Variants in PKHD1 observed in about 807,000 individuals in gnomAD.
PKHD1 encodes the protein fibrocystin.
A neutral mutation model predicts 412.0 loss-of-function variants in PKHD1; 291 were observed. That is an observed-to-expected ratio of 0.71 (90% CI 0.64 to 0.78). The LOEUF (loss-of-function observed/expected upper bound fraction) is 0.78, where lower values mean the gene tolerates loss of function less well. Ranked by LOEUF, PKHD1 falls within the 30% of genes least tolerant of loss-of-function variation. The pLI is 0.00. For missense variants in PKHD1, 4,825 were observed against 4,950.7 expected, an observed-to-expected ratio of 0.97 and a Z score of 0.76; for synonymous variants, 1,777 against 1,821.5, an observed-to-expected ratio of 0.98 and a Z score of 0.62.
chr6:51,913,056 T>C (rs1307521544), intron 37 of PKHD1, among the ~76,000 whole-genome samples: 1 of 152,130 alleles, frequency 6.6e-6, no homozygotes, highest in Non-Finnish European at 1.5e-5. Context: ...CCTAAGGGTA[T>C]GTTAGTCCTT....
intron 34 of PKHD1, among the ~76,000 whole-genome samples, chr6:52,016,106 C>T (rs1395689296): frequency 1.3e-5 from 2 of 152,150 alleles, no homozygotes; most frequent in African/African-American, 2.4e-5. Context: ...TCCAGTCTCA[C>T]CTGAGTACAA....
At position 51,648,182 on chromosome 6, in the gene PKHD1, T is replaced by A; in HGVS notation, c.11311-64A>T. On this transcript the variant is annotated intron_variant, in intron 62 of 66. Coordinates refer to ENST00000371117, the MANE Select transcript of PKHD1 (RefSeq NM_138694.4). Reference sequence around the variant, plus strand: ...GGATTCAGAAGAGAATTTTGTGAAGTTAGAAAAGATGGATCAGATATTTGC... The same window carrying A: ...GGATTCAGAAGAGAATTTTGTGAAGATAGAAAAGATGGATCAGATATTTGC... 7.1e-6 allele frequency: 6 copies of A among 850,588 alleles called. No individual in the cohort carries two copies. The South Asian group carries it at 8.0e-5, about 11-fold the overall frequency. The allele number at this position is 850,588 out of a possible 1,614,324, so 52.7% of individuals were successfully genotyped here.
At chr6:51,863,079 G>T (rs943906121) in intron 48 of PKHD1, among the ~76,000 whole-genome samples, 4 of 152,072 alleles carry the variant, frequency 2.6e-5, no homozygotes, top group African/African-American at 9.7e-5. Flanking sequence ...GACCCTGAGG[G>T]ATAAATACCA....
Position 51,937,102 on chromosome 6 carries a change from C to T in PKHD1, c.5909-2780G>A, listed in dbSNP as rs143371613. On this transcript the variant is annotated intron_variant, in intron 36 of 66. Coordinates refer to ENST00000371117, the MANE Select transcript of PKHD1 (RefSeq NM_138694.4). ...TCTGCATAATAAGAACCTTGGACTC[C>T]ACAACCACTTATCTTAACCCAGACA... Among the ~76,000 whole-genome samples, 21 of 152,288 alleles carry T rather than the reference C, an allele frequency of 1.4e-4. No homozygotes were observed. In the East Asian group the frequency reaches 2.7e-3, roughly 20 times the overall value.
intron 60 of PKHD1, among the ~76,000 whole-genome samples, chr6:51,737,734 G>A (rs1236229410): frequency 2.0e-5 from 3 of 151,642 alleles, no homozygotes; most frequent in African/African-American, 7.3e-5. Flanking sequence ...GTGAGTGTGT[G>A]TGTGTGTGTG....
chr6:52,072,321 G>T lies in PKHD1; in HGVS notation c.528-132C>A, dbSNP rs12208230. The T allele has an allele frequency of 0.037, 26,146 of 705,982 alleles. 713 individuals carry two copies. The highest frequency in any genetic ancestry group is 0.084 in the South Asian group (5,577 of 66,128). 43.7% of individuals were successfully genotyped at this position (705,982 alleles called of 1,614,324 possible). On this transcript the variant is annotated intron_variant, in intron 7 of 66. Coordinates refer to ENST00000371117, the MANE Select transcript of PKHD1 (RefSeq NM_138694.4). ...TCTGGATTTTTCTGCACTATTGCAG[G>T]TGGCTGAAGGCGGATGTCAAGTCAA...
intron 29 of PKHD1, 132 bp from the exon 30 acceptor site, chr6:52,028,483 T>A (rs2128153680): frequency 1.2e-6 from 1 of 819,808 alleles, no homozygotes. Flanking sequence ...AGAGTTACGA[T>A]ACCAACCTAA....
At chr6:51,742,572 G>A (rs982777279) in intron 60 of PKHD1, among the ~76,000 whole-genome samples, 1 of 152,110 alleles carries the variant, frequency 6.6e-6, no homozygotes, top group African/African-American at 2.4e-5. Flanking sequence ...GAAGGCCTCA[G>A]TTCATTCTGC....
In PKHD1 at chr6:51,786,128, C is replaced by A. The variant is rs147536547; in HGVS notation, c.8440+5108G>T. ...AGACACAGCTAGTTCATATAACTTG[C>A]CGAGGGCCATTCAACTAATGAGGGA... is the stretch of plus-strand genomic sequence containing the variant. On this transcript the variant is annotated intron_variant, in intron 53 of 66. Transcript: ENST00000371117. Among the ~76,000 whole-genome samples, 299 of 152,152 alleles carry A rather than the reference C, an allele frequency of 2.0e-3. 2 individuals are homozygous for A. The highest frequency in any genetic ancestry group is 6.7e-3 in the African/African-American group (277 of 41,502).
At chr6:52,029,126 T>C (rs1802661715) in intron 29 of PKHD1, among the ~76,000 whole-genome samples, 1 of 152,112 alleles carries the variant, frequency 6.6e-6, no homozygotes, top group African/African-American at 2.4e-5. Context: ...CCACACACTA[T>C]CCTGATGATT....
At chr6:52,072,242 C>G in intron 7 of PKHD1, 53 bp from the exon 8 acceptor site, 1 of 1,080,084 alleles carries the variant, frequency 9.3e-7, no homozygotes, top group Non-Finnish European at 1.4e-6. Context: ...GTGCAATACT[C>G]CCAATAAACA....
intron 46 of PKHD1, among the ~76,000 whole-genome samples, chr6:51,872,870 G>A (rs971400440): frequency 4.6e-5 from 5 of 109,254 alleles, no homozygotes; most frequent in Admixed American, 1.1e-4. Flanking sequence ...ACCTTCCATC[G>A]TTTCCTTTTT....
At chr6:51,785,412 G>A (rs1792701828) in intron 53 of PKHD1, among the ~76,000 whole-genome samples, 1 of 152,158 alleles carries the variant, frequency 6.6e-6, no homozygotes, top group African/African-American at 2.4e-5. Flanking sequence ...AAATGAAGTT[G>A]TTAAAGAATA....
At chr6:51,716,514 A>C (rs541313377) in intron 60 of PKHD1, among the ~76,000 whole-genome samples, 1 of 152,102 alleles carries the variant, frequency 6.6e-6, no homozygotes, top group Non-Finnish European at 1.5e-5. Flanking sequence ...TCCCTCCCTT[A>C]GTGGGCCTTA....
intron 55 of PKHD1, among the ~76,000 whole-genome samples, chr6:51,758,308 T>C (rs1787410124): frequency 6.6e-6 from 1 of 152,124 alleles, no homozygotes; most frequent in South Asian, 2.1e-4. Context: ...CCCTTCCACG[T>C]CTATGTCCAT....
intron 7 of PKHD1, among the ~76,000 whole-genome samples, 174 bp downstream of exon 7, chr6:52,073,289 A>G (rs940392532): frequency 4.6e-5 from 7 of 152,228 alleles, no homozygotes; most frequent in African/African-American, 1.7e-4. Flanking sequence ...ACCAGTTGCA[A>G]TTACATTAAC....
At chr6:51,982,182 A>T (rs1315189162) in intron 35 of PKHD1, among the ~76,000 whole-genome samples, 362 of 26,580 alleles carry the variant, frequency 0.014, no homozygotes, top group East Asian at 0.02. Flanking sequence ...TCCGGGAGGG[A>T]GGTGGGGGGG....
intron 60 of PKHD1, among the ~76,000 whole-genome samples, chr6:51,694,127 C>A (rs973795652): frequency 6.6e-6 from 1 of 152,130 alleles, no homozygotes; most frequent in East Asian, 1.9e-4. Context: ...AATTAATATT[C>A]TTGCTGTTAT....
At chr6:52,020,028 G>T (rs1018135382) in intron 33 of PKHD1, among the ~76,000 whole-genome samples, 1 of 152,054 alleles carries the variant, frequency 6.6e-6, no homozygotes, top group African/African-American at 2.4e-5. Flanking sequence ...TGAGTTCAGG[G>T]TCATTATCTG....
Sources: gnomAD v4.1 joint callset for allele counts (sites outside exome capture counted in the v4.1 genomes callset) on GRCh38, gnomAD v4.1.1 for gene constraint, MANE v1.5 for transcripts, NCBI Gene and HGNC (gene_info 2026-07-23, HGNC 2026-07-21) for gene names.